FBXO4: variants seen among roughly 807,000 people sequenced by gnomAD.
The protein encoded by FBXO4 is F-box protein 4.
In FBXO4, 36 loss-of-function variants were observed where a neutral mutation model predicts 43.7. The observed-to-expected ratio is 0.82, with a 90% CI of 0.63 to 1.09. FBXO4 has a LOEUF of 1.09. FBXO4 is among the 50% of genes least tolerant of loss of function. FBXO4 has a pLI of 0.00. For missense variants in FBXO4, 435 were observed against 474.1 expected (o/e 0.92, Z 0.77); for synonymous variants, 180 against 165.6 (o/e 1.09, Z -0.67).
the FBXO4 span, among the ~76,000 whole-genome samples, chr5:41,999,545 G>C: frequency 9.7e-6 from 1 of 103,400 alleles, no homozygotes; most frequent in African/African-American, 4.3e-5. Flanking sequence ...ACATATATAT[G>C]TATATATATA....
the FBXO4 span, among the ~76,000 whole-genome samples, chr5:41,949,025 A>G: frequency 6.6e-6 from 1 of 152,234 alleles, no homozygotes; most frequent in Non-Finnish European, 1.5e-5. Context: ...TCTTCATGCT[A>G]AAACCTCTCG....
the FBXO4 span, among the ~76,000 whole-genome samples, chr5:41,990,850 A>G: frequency 1.7e-3 from 252 of 152,266 alleles, 3 homozygotes; most frequent in East Asian, 0.038. Context: ...CCTTTTATGG[A>G]AGAAGTTCTT....
chr5:42,012,969 C>T, the FBXO4 span, among the ~76,000 whole-genome samples: 1 of 152,086 alleles, frequency 6.6e-6, no homozygotes, highest in Non-Finnish European at 1.5e-5. Flanking sequence ...CTATTAGTAC[C>T]TACAGTCACA....
chr5:41,985,376 C>A, the FBXO4 span, among the ~76,000 whole-genome samples: 2 of 152,066 alleles, frequency 1.3e-5, no homozygotes, highest in Non-Finnish European at 2.9e-5. Flanking sequence ...ATATTCTGTT[C>A]AGGTGCAACA....
At chr5:41,957,127 T>C in the FBXO4 span, among the ~76,000 whole-genome samples, 1 of 152,164 alleles carries the variant, frequency 6.6e-6, no homozygotes, top group Non-Finnish European at 1.5e-5. Context: ...ATTCAACTTC[T>C]AAGATCTGTG....
At chr5:41,997,022 C>CA in the FBXO4 span, among the ~76,000 whole-genome samples, 3 of 152,174 alleles carry the variant, frequency 2.0e-5, no homozygotes, top group African/African-American at 7.2e-5. Context: ...GATTATGACA[C>CA]AAAGCTGGAG....
At chr5:41,967,809 A>G in the FBXO4 span, 3 of 611,388 alleles carry the variant, frequency 4.9e-6, no homozygotes, top group African/African-American at 5.5e-5. Flanking sequence ...GAAGGAGGCC[A>G]TCTACATTAC....
chr5:41,937,782 C>T (rs1021222135), intron 5 of FBXO4, among the ~76,000 whole-genome samples: 8 of 152,170 alleles, frequency 5.3e-5, no homozygotes, highest in African/African-American at 1.9e-4. Context: ...GAAAGGGAAG[C>T]GGGAGACAAA....
chr5:42,022,399 T>C, the FBXO4 span, among the ~76,000 whole-genome samples: 3 of 152,296 alleles, frequency 2.0e-5, no homozygotes, highest in Middle Eastern at 3.4e-3. Flanking sequence ...GCTTTATTTA[T>C]ATGAAAGTAA....
chr5:41,936,597 A>G (rs1200326597), intron 5 of FBXO4, among the ~76,000 whole-genome samples: 1 of 152,204 alleles, frequency 6.6e-6, no homozygotes, highest in Non-Finnish European at 1.5e-5. Context: ...ATGTGTGAAC[A>G]GATAGATTTT....
the FBXO4 span, among the ~76,000 whole-genome samples, chr5:42,011,090 C>A: frequency 6.6e-6 from 1 of 152,088 alleles, no homozygotes; most frequent in East Asian, 1.9e-4. Flanking sequence ...TGTGTTCTAT[C>A]CTGATGGGTA....
chr5:42,009,683 A>G, the FBXO4 span, among the ~76,000 whole-genome samples: 2 of 152,194 alleles, frequency 1.3e-5, no homozygotes, highest in Non-Finnish European at 2.9e-5. Context: ...CTGTCTCATC[A>G]GTCACTGGAC....
the FBXO4 span, among the ~76,000 whole-genome samples, chr5:41,995,419 A>C: frequency 1.3e-5 from 2 of 152,206 alleles, no homozygotes; most frequent in Non-Finnish European, 2.9e-5. Context: ...GTGCAATATC[A>C]AGGACTAAGT....
chr5:41,976,501 A>C, the FBXO4 span, among the ~76,000 whole-genome samples: 2 of 152,226 alleles, frequency 1.3e-5, no homozygotes, highest in African/African-American at 4.8e-5. Context: ...GGCCAAAAAG[A>C]AAGGGGTAAT....
intron 2 of FBXO4, among the ~76,000 whole-genome samples, chr5:41,928,338 CTTT>C (rs560942725): frequency 1.4e-5 from 2 of 141,390 alleles, no homozygotes. Context: ...TCTTTCTTTT[CTTT>C]TTTTTTTTTT....
At chr5:41,968,106 C>T in the FBXO4 span, 8 of 339,696 alleles carry the variant, frequency 2.4e-5, no homozygotes, top group Non-Finnish European at 6.1e-6. Context: ...TTCCCAAGAA[C>T]CCCACTGCTT....
chr5:42,012,101 A>G, the FBXO4 span, among the ~76,000 whole-genome samples: 1,664 of 152,254 alleles, frequency 0.011, 77 homozygotes, highest in Admixed American at 0.074. Flanking sequence ...ATTTTCCTTG[A>G]GGTTCAATAT....
At chr5:42,015,905 C>T in the FBXO4 span, among the ~76,000 whole-genome samples, 1 of 151,906 alleles carries the variant, frequency 6.6e-6, no homozygotes, top group Non-Finnish European at 1.5e-5. Flanking sequence ...TGAGATTTTC[C>T]CTCAAAGTAA....
the FBXO4 span, among the ~76,000 whole-genome samples, chr5:41,982,649 T>C: frequency 2.0e-5 from 3 of 152,164 alleles, no homozygotes; most frequent in Non-Finnish European, 4.4e-5. Flanking sequence ...TGCCAAATAG[T>C]CTAATTTGCC....
Sources: gnomAD v4.1 joint callset for allele counts (sites outside exome capture counted in the v4.1 genomes callset) on GRCh38, gnomAD v4.1.1 for gene constraint, MANE v1.5 for transcripts, NCBI Gene and HGNC (gene_info 2026-07-23, HGNC 2026-07-21) for gene names.